The following PER3 variants were observed in gnomAD, a reference collection of about 807,000 sequenced individuals.
PER3 encodes period circadian protein homolog 3.
PER3 carries 107 observed loss-of-function variants against 127.2 expected under a neutral mutation model. The ratio of observed to expected loss-of-function variants is 0.84; its 90% CI spans 0.72 to 0.99. PER3 has a LOEUF of 0.99. PER3 is among the 50% of genes least tolerant of loss of function. PER3 has a pLI of 0.00. For synonymous variants in PER3, 618 were observed against 585.8 expected (o/e 1.05, Z -0.79); for missense variants, 1,560 against 1,525.8 (o/e 1.02, Z -0.37).
chr1:7,795,104 G>T (rs1366127719), intron 6 of PER3, among the ~76,000 whole-genome samples: 2 of 152,086 alleles, frequency 1.3e-5, no homozygotes, highest in African/African-American at 2.4e-5. Flanking sequence ...TGCTTGGGGG[G>T]GACGGCCTGA....
chr1:7,814,490 G>A (rs1232906889), intron 13 of PER3, among the ~76,000 whole-genome samples: 3 of 152,036 alleles, frequency 2.0e-5, no homozygotes, highest in Non-Finnish European at 4.4e-5. Flanking sequence ...TAGTGAAAAC[G>A]ATATGTAAGA....
chr1:7,827,959 G>A (rs2097310820), intron 18 of PER3, 144 bp downstream of exon 18: 1 of 622,468 alleles, frequency 1.6e-6, no homozygotes, highest in Admixed American at 3.0e-5. Context: ...CTAATTCTGT[G>A]TAAACATGAA....
chr1:7,797,092 T>C (rs1010229969), intron 6 of PER3, among the ~76,000 whole-genome samples: 2 of 152,034 alleles, frequency 1.3e-5, no homozygotes, highest in Admixed American at 6.6e-5. Context: ...AGGCTAGAGG[T>C]AGATATTTGG....
At chr1:7,820,433 T>G in intron 15 of PER3, 34 bp from the exon 16 acceptor site, 1 of 1,573,494 alleles carries the variant, frequency 6.4e-7, no homozygotes, top group Non-Finnish European at 8.6e-7. Flanking sequence ...TTGGGAATTT[T>G]TCTTTTCACT....
intron 12 of PER3, 182 bp downstream of exon 12, chr1:7,810,203 T>C (rs2097213307): frequency 1.5e-6 from 1 of 676,850 alleles, no homozygotes; most frequent in African/African-American, 1.8e-5. Context: ...CTTTGGAAAG[T>C]GATATTTGAA....
intron 14 of PER3, 143 bp downstream of exon 14, chr1:7,819,563 C>A: frequency 1.4e-6 from 1 of 712,750 alleles, no homozygotes; most frequent in Non-Finnish European, 2.4e-6. Flanking sequence ...GTGCCTAACA[C>A]ATACGCTGAA....
Position 7,827,394 on chromosome 1 carries a change from A to C in PER3, c.2465A>C (p.Tyr822Ser). ...LPAATSPGREYAAPGTAPEGL... is the reference protein window; with the variant it reads ...LPAATSPGRESAAPGTAPEGL... ...GCCGCGACCTCACCCGGAAGAGAAT[A>C]CGCAGCCCCCGGAACTGCACCGGAA... Residue 822 changes from tyrosine to serine, a missense_variant, in exon 18 of 22, where the codon TAC (tyrosine) becomes TCC (serine). Tyr to Ser is a moderately radical substitution (Grantham distance 144). Around this residue, in one of 3 missense-constraint regions of PER3, gnomAD observed 1,332 missense variants for 1,223.6 expected, o/e 1.09. Coordinates refer to ENST00000377532, the MANE Select transcript of PER3 (RefSeq NM_001377275.1). The C allele has an allele frequency of 6.2e-7, 1 of 1,614,150 alleles. No individual in the cohort carries two copies. The highest frequency in any genetic ancestry group is 1.1e-5 in the South Asian group (1 of 91,084).
At chr1:7,840,743 G>A (rs1457941012) in intron 21 of PER3, among the ~76,000 whole-genome samples, 1 of 151,470 alleles carries the variant, frequency 6.6e-6, no homozygotes, top group African/African-American at 2.4e-5. Context: ...AAGTAGCTGG[G>A]ACTGCAAGTG....
intron 2 of PER3, among the ~76,000 whole-genome samples, 171 bp from the exon 3 acceptor site, chr1:7,785,270 C>G (rs2097081466): frequency 6.6e-6 from 1 of 152,136 alleles, no homozygotes; most frequent in Admixed American, 6.5e-5. Context: ...GTTTGTCATT[C>G]ACCAGTTGCT....
chr1:7,785,126 G>C, intron 2 of PER3, 121 bp downstream of exon 2: 1 of 1,068,162 alleles, frequency 9.4e-7, no homozygotes, highest in East Asian at 2.7e-5. Flanking sequence ...GTGTAAAGGG[G>C]AGACTCGGGC....
chr1:7,832,837 ATT>A (rs61585135), intron 19 of PER3, among the ~76,000 whole-genome samples: 20 of 132,964 alleles, frequency 1.5e-4, no homozygotes, highest in Admixed American at 3.8e-4. Flanking sequence ...CATCCCTCAA[ATT>A]TTTTTTTTTT....
At chr1:7,787,841 T>C (rs1197652572) in intron 4 of PER3, 1 of 587,670 alleles carries the variant, frequency 1.7e-6, no homozygotes, top group African/African-American at 1.9e-5. Flanking sequence ...AAATTGAACC[T>C]TCAGTAGGTG....
chr1:7,806,653 G>A (rs2097193984), intron 10 of PER3, among the ~76,000 whole-genome samples: 1 of 151,302 alleles, frequency 6.6e-6, no homozygotes, highest in Admixed American at 6.6e-5. Flanking sequence ...AATTAGTTGG[G>A]CATGGTGGTA....
intron 13 of PER3, among the ~76,000 whole-genome samples, chr1:7,818,125 AC>A (rs2097259800): frequency 6.6e-6 from 1 of 152,134 alleles, no homozygotes; most frequent in African/African-American, 2.4e-5. Flanking sequence ...ACGGAAAACA[AC>A]ATTGAGTGGT....
chr1:7,794,260 G>A (rs772997379), intron 6 of PER3, among the ~76,000 whole-genome samples: 21 of 152,088 alleles, frequency 1.4e-4, no homozygotes, highest in Non-Finnish European at 2.9e-4. Context: ...AGGCAGAGGC[G>A]GAGGCGGGCG....
At chr1:7,837,850 G>T (rs898014014) in intron 21 of PER3, among the ~76,000 whole-genome samples, 1 of 152,192 alleles carries the variant, frequency 6.6e-6, no homozygotes, top group African/African-American at 2.4e-5. Context: ...AAGGTGAGAG[G>T]ATCAGGAGTT....
In PER3 at chr1:7,826,499, C is replaced by T; in HGVS notation, c.1977C>T (p.Phe659=). The change falls in exon 17 of 22, where the codon TTC becomes TTT. Residue 659 remains phenylalanine, a synonymous_variant. Transcript: ENST00000377532. This position sits in a 1 kb window ranked among gnomAD's most constrained non-coding sequence, Gnocchi z 4.2. ...PPETARDATL[F]CEPWTLNMQP... Reference sequence around the variant, plus strand: ...CCTCAGCCAGGGATGCTACCCTCTTCTGTGAGCCCTGGACCCTGAACATGC... The same window carrying T: ...CCTCAGCCAGGGATGCTACCCTCTTTTGTGAGCCCTGGACCCTGAACATGC... The T allele has an allele frequency of 6.2e-7, 1 of 1,611,206 alleles. No individual in the cohort carries two copies. The highest frequency in any genetic ancestry group is 1.3e-5 in the African/African-American group (1 of 74,958).
Position 7,826,119 on chromosome 1 carries a change from C to A in PER3, c.1958-361C>A, listed in dbSNP as rs901170379. ...GGGGTGAGGGGAATTTACTACATGT[C>A]TTTATTAATACTTCCTGATTTTTGA... is the stretch of plus-strand genomic sequence containing the variant. On this transcript the variant is annotated intron_variant, in intron 16 of 21. Coordinates refer to ENST00000377532, the MANE Select transcript of PER3 (RefSeq NM_001377275.1). The surrounding 1 kb of genome is among the most constrained non-coding windows in gnomAD (Gnocchi z 4.2). Among the ~76,000 whole-genome samples, 5 of 152,032 alleles carry A rather than the reference C, an allele frequency of 3.3e-5. No homozygotes were observed. Among genetic ancestry groups the A allele is most frequent in the Non-Finnish European group, 5.9e-5 (4 of 68,018 alleles).
Position 7,798,509 on chromosome 1 carries a change from T to C in PER3, c.645-16T>C, listed in dbSNP as rs751497238. The C allele has an allele frequency of 1.1e-5, 18 of 1,609,838 alleles. No individual in the cohort carries two copies. Among genetic ancestry groups the C allele is most frequent in the Non-Finnish European group, 1.4e-5 (17 of 1,177,160 alleles). On this transcript the variant is annotated splice_polypyrimidine_tract_variant and intron_variant, in intron 6 of 21. Transcript: ENST00000377532. ...GGGTGCGTCAGGACCAGCACTAATA[T>C]CTTTAATCTCCTCAGTGGAGGTGAA...
Sources: allele counts gnomAD v4.1 joint callset (sites outside exome capture counted in the v4.1 genomes callset), GRCh38; gene constraint gnomAD v4.1.1; regional missense constraint gnomAD v4.1.1; non-coding constraint Gnocchi (gnomAD v3.1); transcripts MANE v1.5; gene names NCBI Gene and HGNC (gene_info 2026-07-23, HGNC 2026-07-21).